Variants in AGMO observed in about 807,000 individuals in gnomAD.
AGMO encodes the protein glyceryl-ether monooxygenase.
Under a neutral mutation model 60.2 loss-of-function variants are expected in AGMO, and 75 were observed. That is an observed-to-expected ratio of 1.25 (90% confidence interval 1.03 to 1.51). The LOEUF is 1.51. AGMO is among the 40% of genes most tolerant of loss of function. The probability of loss-of-function intolerance (pLI) is 0.00; values close to 1 mark genes in which losing one functional copy is unlikely to be tolerated. For synonymous variants in AGMO, 261 were observed against 177.1 expected (o/e 1.47, Z -3.76); for missense variants, 763 against 525.5 (o/e 1.45, Z -4.42).
intron 3 of AGMO, among the ~76,000 whole-genome samples, chr7:15,532,067 T>C (rs1187460934): frequency 2.0e-5 from 3 of 152,168 alleles, no homozygotes; most frequent in Non-Finnish European, 4.4e-5. Context: ...AGAACTATAA[T>C]ATGACTGCAA....
intron 3 of AGMO, among the ~76,000 whole-genome samples, chr7:15,511,302 A>G (rs1783667475): frequency 6.6e-6 from 1 of 152,130 alleles, no homozygotes; most frequent in Non-Finnish European, 1.5e-5. Flanking sequence ...AAAGCAAAGT[A>G]CCTGTAAAAA....
intron 12 of AGMO, among the ~76,000 whole-genome samples, chr7:15,278,120 C>G (rs879844551): frequency 2.0e-5 from 3 of 151,942 alleles, no homozygotes; most frequent in African/African-American, 7.3e-5. Flanking sequence ...TGGAATACAT[C>G]TGTCCCACAG....
In AGMO at chr7:15,522,705, T is replaced by C. The variant is rs189706787; in HGVS notation, c.409+22067A>G. Among the ~76,000 whole-genome samples, 1,211 of 152,248 alleles carry C rather than the reference T, an allele frequency of 8.0e-3. 16 individuals are homozygous for C. The highest frequency in any genetic ancestry group is 0.045 in the South Asian group (216 of 4,824). On this transcript the variant is annotated intron_variant, in intron 3 of 12. Coordinates refer to ENST00000342526, the MANE Select transcript of AGMO (RefSeq NM_001004320.2). ...TATACAAAAATTAACTCGAGATTTA[T>C]TAAAGATTTAAACATAGGTCCTCAA... is the stretch of plus-strand genomic sequence containing the variant.
At chr7:15,448,611 ATTTTTT>A (rs11330514) in intron 3 of AGMO, among the ~76,000 whole-genome samples, 2 of 131,164 alleles carry the variant, frequency 1.5e-5, no homozygotes, top group Non-Finnish European at 1.7e-5. Flanking sequence ...ATAAAGTTTA[ATTTTTT>A]TTTTTTTTTT....
chr7:15,434,749 C>A (rs1781351417), intron 3 of AGMO, among the ~76,000 whole-genome samples: 1 of 152,096 alleles, frequency 6.6e-6, no homozygotes. Flanking sequence ...CTAAACTATG[C>A]CCCAATTTCT....
intron 3 of AGMO, among the ~76,000 whole-genome samples, chr7:15,440,217 T>C (rs988867409): frequency 2.0e-5 from 3 of 152,178 alleles, no homozygotes; most frequent in Admixed American, 1.3e-4. Flanking sequence ...TATGTCTTTA[T>C]ACAGGCAGAT....
At chr7:15,506,269 T>C (rs1783510244) in intron 3 of AGMO, among the ~76,000 whole-genome samples, 1 of 92,478 alleles carries the variant, frequency 1.1e-5, no homozygotes, top group South Asian at 3.6e-4. Context: ...ACCTTTCTAA[T>C]TACTATTACT....
In AGMO at chr7:15,342,801, A is replaced by AAC. The variant is rs1554419150; in HGVS notation, c.1263+22712_1263+22713insGT. Among the ~76,000 whole-genome samples, 662 of 107,924 alleles carry AAC rather than the reference A, an allele frequency of 6.1e-3. 65 individuals carry two copies. Among genetic ancestry groups the AAC allele is most frequent in the African/African-American group, 0.024 (561 of 23,842 alleles). 70.8% of individuals were successfully genotyped at this position (107,924 alleles called of 152,430 possible). On this transcript the variant is annotated intron_variant, in intron 12 of 12. Coordinates refer to ENST00000342526, the MANE Select transcript of AGMO (RefSeq NM_001004320.2). ...CTGCAAAAAAAAAAAAAAAAAAAAAAAAAATTGATCTGAATTCTACCTCTA... is the reference window on the plus strand; with the variant it reads ...CTGCAAAAAAAAAAAAAAAAAAAAAAACAAAATTGATCTGAATTCTACCTCTA...
At chr7:15,316,356 G>A (rs1309291034) in intron 12 of AGMO, among the ~76,000 whole-genome samples, 2 of 152,100 alleles carry the variant, frequency 1.3e-5, no homozygotes, top group African/African-American at 4.8e-5. Context: ...CCACAGTAGA[G>A]GAACTCCACA....
rs1183273340 is a variant in AGMO at position 15,531,027 on chromosome 7, CCA to C, written c.409+13743_409+13744del. ...ATATTCTATATATATTCTATATATT[CCA>C]TATATATTCTATATATATTCTATAT... On this transcript the variant is annotated intron_variant, in intron 3 of 12. Coordinates refer to ENST00000342526, the MANE Select transcript of AGMO (RefSeq NM_001004320.2). 2.9e-4 allele frequency among the ~76,000 whole-genome samples: 10 copies of C among 34,138 alleles called. 1 individual carries two copies. The highest frequency in any genetic ancestry group is 1.8e-3 in the East Asian group (1 of 550). The allele number at this position is 34,138 out of a possible 152,430, so 22.4% of individuals were successfully genotyped here.
the AGMO span, among the ~76,000 whole-genome samples, chr7:15,136,462 T>C: frequency 6.6e-6 from 1 of 151,942 alleles, no homozygotes; most frequent in Non-Finnish European, 1.5e-5. Context: ...TGAGTCATCA[T>C]TGCTTTAGCA....
At chr7:15,241,459 C>CAACAA (rs1397699834) in intron 12 of AGMO, among the ~76,000 whole-genome samples, 2 of 51,362 alleles carry the variant, frequency 3.9e-5, no homozygotes, top group African/African-American at 8.3e-5. Flanking sequence ...GACTCCGTCT[C>CAACAA]AAAAAAAAAA....
intron 12 of AGMO, among the ~76,000 whole-genome samples, chr7:15,295,932 G>C (rs1343330577): frequency 6.6e-6 from 1 of 151,986 alleles, no homozygotes; most frequent in Non-Finnish European, 1.5e-5. Flanking sequence ...ATTTTCCGTG[G>C]TCATTAAAAA....
At chr7:15,362,478 G>A (rs939361094) in intron 12 of AGMO, among the ~76,000 whole-genome samples, 7 of 152,150 alleles carry the variant, frequency 4.6e-5, no homozygotes, top group African/African-American at 1.7e-4. Flanking sequence ...TATGAACAAT[G>A]ATAACTGTAA....
At chr7:15,285,617 G>T (rs1049924764) in intron 12 of AGMO, among the ~76,000 whole-genome samples, 4 of 152,060 alleles carry the variant, frequency 2.6e-5, no homozygotes, top group African/African-American at 9.7e-5. Context: ...TGGATTGGCA[G>T]AATCAATATC....
intron 6 of AGMO, among the ~76,000 whole-genome samples, chr7:15,391,869 T>C (rs1784152045): frequency 6.6e-6 from 1 of 152,120 alleles, no homozygotes; most frequent in East Asian, 1.9e-4. Context: ...TGGGGGCCAG[T>C]GACGTTGCTA....
At chr7:15,393,833 G>A (rs1197360133) in intron 6 of AGMO, among the ~76,000 whole-genome samples, 1 of 152,050 alleles carries the variant, frequency 6.6e-6, no homozygotes, top group Admixed American at 6.6e-5. Context: ...TTCCTCAGCT[G>A]GTTAACTCAT....
downstream of AGMO, among the ~76,000 whole-genome samples, chr7:15,196,908 G>C (rs923437050): frequency 5.9e-5 from 9 of 152,200 alleles, no homozygotes; most frequent in Non-Finnish European, 1.0e-4. Context: ...CAATCTGCAA[G>C]AGATAAACAT....
chr7:15,134,678 A>G, the AGMO span, among the ~76,000 whole-genome samples: 3 of 152,106 alleles, frequency 2.0e-5, 1 homozygote, highest in South Asian at 6.2e-4. Flanking sequence ...TATATGTACC[A>G]CATTTTCTTT....
Sources: gnomAD v4.1 joint callset for allele counts (sites outside exome capture counted in the v4.1 genomes callset) on GRCh38, gnomAD v4.1.1 for gene constraint, MANE v1.5 for transcripts, NCBI Gene and HGNC (gene_info 2026-07-23, HGNC 2026-07-21) for gene names.